Variants in PTPRG observed in about 807,000 individuals in gnomAD.
PTPRG encodes protein tyrosine phosphatase receptor type G.
PTPRG carries 102 observed loss-of-function variants against 165.3 expected under a neutral mutation model. That is an observed-to-expected ratio of 0.62 (90% CI 0.53 to 0.73). The LOEUF (loss-of-function observed/expected upper bound fraction) is 0.73. PTPRG is among the 30% of genes least tolerant of loss of function. The pLI, the probability that PTPRG is intolerant of heterozygous loss-of-function variation, is 0.00. For synonymous variants in PTPRG, 675 were observed against 669.5 expected, an observed-to-expected ratio of 1.01 and a Z score of -0.13; for missense variants, 1,866 against 1,861.4, an observed-to-expected ratio of 1.00 and a Z score of -0.05.
chr3:61,855,304 CT>C (rs1397941506), intron 2 of PTPRG, among the ~76,000 whole-genome samples: 1 of 152,198 alleles, frequency 6.6e-6, no homozygotes, highest in East Asian at 1.9e-4. Context: ...AAGCAGTTCT[CT>C]CAGAACCATG....
At chr3:61,917,892 G>C (rs867485631) in intron 2 of PTPRG, among the ~76,000 whole-genome samples, 1 of 152,072 alleles carries the variant, frequency 6.6e-6, no homozygotes, top group African/African-American at 2.4e-5. Context: ...AGATCACGCC[G>C]CTGCGATCTA....
At chr3:61,972,982 C>T (rs1575838097) in intron 2 of PTPRG, among the ~76,000 whole-genome samples, 1 of 151,972 alleles carries the variant, frequency 6.6e-6, no homozygotes, top group African/African-American at 2.4e-5. Context: ...AATGTACAAC[C>T]AAGAATTTGC....
At chr3:62,263,072 G>T in intron 17 of PTPRG, 178 bp downstream of exon 17, 1 of 541,936 alleles carries the variant, frequency 1.8e-6, no homozygotes, top group Non-Finnish European at 3.2e-6. Context: ...TTCCCCCTTA[G>T]CCTTTCATTA....
At chr3:61,973,312 C>A (rs1471794872) in intron 2 of PTPRG, among the ~76,000 whole-genome samples, 2 of 152,170 alleles carry the variant, frequency 1.3e-5, no homozygotes, top group African/African-American at 2.4e-5. Flanking sequence ...TAAGCATTTT[C>A]TCTGGAATGG....
At chr3:62,204,825 C>A (rs1048805839) in intron 12 of PTPRG, among the ~76,000 whole-genome samples, 1 of 152,158 alleles carries the variant, frequency 6.6e-6, no homozygotes, top group Non-Finnish European at 1.5e-5. Flanking sequence ...AATTTTGTTG[C>A]TCTATCATAT....
At chr3:62,013,629 C>T (rs1227773658) in intron 4 of PTPRG, among the ~76,000 whole-genome samples, 1 of 152,274 alleles carries the variant, frequency 6.6e-6, no homozygotes, top group South Asian at 2.1e-4. Context: ...ATATGTTTCA[C>T]TATAATCATC....
intron 1 of PTPRG, among the ~76,000 whole-genome samples, chr3:61,736,854 G>T (rs2032742310): frequency 6.6e-6 from 1 of 152,198 alleles, no homozygotes; most frequent in East Asian, 1.9e-4. Flanking sequence ...AATGGTTTAT[G>T]CAAGTCTGTA....
intron 2 of PTPRG, among the ~76,000 whole-genome samples, chr3:61,774,351 G>C (rs1432651157): frequency 6.6e-6 from 1 of 152,194 alleles, no homozygotes; most frequent in East Asian, 1.9e-4. Flanking sequence ...CATTTTTGCA[G>C]ACGATTGCAT....
In PTPRG at chr3:61,873,256, CA is replaced by C. The variant is rs1412566861; in HGVS notation, c.191-116368del. On this transcript the variant is annotated intron_variant, in intron 2 of 29. Coordinates refer to ENST00000474889, the MANE Select transcript of PTPRG (RefSeq NM_002841.4). ...TACAGCCTCAATGACATTCACCAGG[CA>C]GTAGGTGAATTTGATGTTGTTTATT... Among the ~76,000 whole-genome samples, 4 of 152,262 alleles carry C rather than the reference CA, an allele frequency of 2.6e-5. No homozygotes were observed. The East Asian group carries it at 7.7e-4, about 29-fold the overall frequency.
intron 12 of PTPRG, among the ~76,000 whole-genome samples, chr3:62,211,329 GT>G (rs2106863692): frequency 6.6e-6 from 1 of 152,290 alleles, no homozygotes; most frequent in Non-Finnish European, 1.5e-5. Context: ...TAGAATGGTG[GT>G]TGCCAGAGGC....
intron 2 of PTPRG, among the ~76,000 whole-genome samples, chr3:61,939,127 C>T (rs941122624): frequency 1.3e-5 from 2 of 152,170 alleles, no homozygotes; most frequent in Non-Finnish European, 2.9e-5. Context: ...TGTTTGGATC[C>T]CGTTCAAACT....
chr3:61,888,475 C>A, intron 2 of PTPRG, among the ~76,000 whole-genome samples: 1 of 151,928 alleles, frequency 6.6e-6, no homozygotes, highest in East Asian at 1.9e-4. Context: ...CTGGGACTGG[C>A]CCCTGCCACT....
intron 2 of PTPRG, among the ~76,000 whole-genome samples, chr3:61,752,785 C>CAAAAAAAAAA (rs749817659): frequency 0.067 from 4,680 of 69,710 alleles, 484 homozygotes; most frequent in Middle Eastern, 0.12. Flanking sequence ...AAGACTGTCT[C>CAAAAAAAAAA]AAAAAAAAAA....
At chr3:61,999,290 G>GC (rs2041113549) in intron 3 of PTPRG, among the ~76,000 whole-genome samples, 1 of 151,928 alleles carries the variant, frequency 6.6e-6, no homozygotes, top group Non-Finnish European at 1.5e-5. Context: ...CAGGTGATCC[G>GC]CCCCCCTCAG....
At chr3:62,107,522 C>T (rs9855694) in intron 5 of PTPRG, among the ~76,000 whole-genome samples, 2,968 of 152,248 alleles carry the variant, frequency 0.019, 75 homozygotes, top group African/African-American at 0.068. Flanking sequence ...GCTATAAATA[C>T]CAGTGTATAA....
At chr3:61,921,369 A>G (rs1175180286) in intron 2 of PTPRG, among the ~76,000 whole-genome samples, 1 of 152,224 alleles carries the variant, frequency 6.6e-6, no homozygotes, top group African/African-American at 2.4e-5. Context: ...ATAGCATGCT[A>G]AAATCTAGTA....
chr3:61,769,093 A>G (rs1482688805), intron 2 of PTPRG, among the ~76,000 whole-genome samples: 1 of 152,194 alleles, frequency 6.6e-6, no homozygotes, highest in Non-Finnish European at 1.5e-5. Flanking sequence ...TAATGTGATG[A>G]CAATATGTAT....
chr3:61,739,701 C>T (rs901710181), intron 1 of PTPRG, among the ~76,000 whole-genome samples: 3 of 152,178 alleles, frequency 2.0e-5, no homozygotes, highest in Non-Finnish European at 4.4e-5. Flanking sequence ...ATGCTTTCCT[C>T]ATAGGCAATA....
At chr3:61,579,425 A>C (rs1035627473) in intron 1 of PTPRG, among the ~76,000 whole-genome samples, 3 of 152,208 alleles carry the variant, frequency 2.0e-5, no homozygotes, top group Non-Finnish European at 4.4e-5. Flanking sequence ...TGTTTTTTAC[A>C]ATGTGGCTAA....
Sources: gnomAD v4.1 joint callset for allele counts (sites outside exome capture counted in the v4.1 genomes callset) on GRCh38, gnomAD v4.1.1 for gene constraint, MANE v1.5 for transcripts, NCBI Gene and HGNC (gene_info 2026-07-23, HGNC 2026-07-21) for gene names.